The following RASGRP1 variants were observed in gnomAD, a reference collection of about 807,000 sequenced individuals.
RASGRP1 encodes RAS guanyl releasing protein 1, also known as RAS guanyl-releasing protein 1.
Under a neutral mutation model 95.1 loss-of-function variants are expected in RASGRP1, and 37 were observed. The ratio of observed to expected loss-of-function variants is 0.39; its 90% CI spans 0.30 to 0.51. The LOEUF (loss-of-function observed/expected upper bound fraction) is 0.51. Ranked by LOEUF, RASGRP1 falls within the 20% of genes least tolerant of loss-of-function variation. The probability of loss-of-function intolerance (pLI) is 0.80; values close to 1 mark genes in which losing one functional copy is unlikely to be tolerated. For synonymous variants in RASGRP1, 325 were observed against 353.4 expected (o/e 0.92, Z 0.90); for missense variants, 711 against 965.4 (o/e 0.74, Z 3.49).
chr15:38,499,548 G>T lies in RASGRP1; in HGVS notation c.1720+555C>A, dbSNP rs192377786. ...AGAAAATGCCTATCTGTGCAACCAG[G>T]CATTTCTCTCTTCGGTGTGGCGGTC... On this transcript the variant is annotated intron_variant, in intron 14 of 16. Coordinates refer to ENST00000310803, the MANE Select transcript of RASGRP1 (RefSeq NM_005739.4). Among the ~76,000 whole-genome samples, 8 of 152,322 alleles carry T rather than the reference G, an allele frequency of 5.3e-5. No homozygotes were observed. In the East Asian group the frequency reaches 1.5e-3, roughly 29 times the overall value.
intron 15 of RASGRP1, among the ~76,000 whole-genome samples, chr15:38,498,091 ACT>A (rs1454044284): frequency 1.3e-5 from 2 of 151,982 alleles, no homozygotes; most frequent in Non-Finnish European, 2.9e-5. Flanking sequence ...AGCTAGTAGA[ACT>A]CTGTCTGTGG....
Position 38,496,858 on chromosome 15 carries a change from T to G in RASGRP1, c.1873+1936A>C, listed in dbSNP as rs549484211. Among the ~76,000 whole-genome samples the G allele has an allele frequency of 2.0e-5, 3 of 152,362 alleles. No individual in the cohort carries two copies. The South Asian group carries it at 6.2e-4, about 32-fold the overall frequency. On this transcript the variant is annotated intron_variant, in intron 15 of 16. Transcript: ENST00000310803. ...TTGATCTAATTGATCAATAAATGCA[T>G]GTGGATATTTACCACTGAACATTAG...
At position 38,511,632 on chromosome 15, in the gene RASGRP1, C is replaced by G; in HGVS notation, c.938G>C (p.Ser313Thr). Reference sequence around the variant, plus strand: ...ATTGATTTCATGTGGGACATGCGAACTTGTCTCCTTGAGCCTCGAGATTGA... The same window carrying G: ...ATTGATTTCATGTGGGACATGCGAAGTTGTCTCCTTGAGCCTCGAGATTGA... Reference protein sequence around the residue: ...HSSISRLKETSSHVPHEINKV... With the variant: ...HSSISRLKETTSHVPHEINKV... Residue 313 changes from serine (S) to threonine (T), a missense_variant, in exon 8 of 17, where the codon AGT (serine) becomes ACT (threonine). This residue lies in a region of RASGRP1 where 491 missense variants were observed against 676.6 expected (regional missense o/e 0.73). Coordinates refer to ENST00000310803, the MANE Select transcript of RASGRP1 (RefSeq NM_005739.4). 1 of 1,613,564 alleles carries G rather than the reference C, an allele frequency of 6.2e-7. No homozygotes were observed. Among genetic ancestry groups the G allele is most frequent in the Non-Finnish European group, 8.5e-7 (1 of 1,179,604 alleles).
chr15:38,490,635 A>G lies in RASGRP1; in HGVS notation c.2313T>C (p.Tyr771=), dbSNP rs1395990815. Residue 771 remains tyrosine, a synonymous_variant, in exon 17 of 17, where the codon TAT becomes TAC. Transcript: ENST00000310803. The part of the protein sequence containing the change: ...DNDALKIQLK[Y]AQKKIESLQL... ...GGAGGGATTCTATTTTCTTCTGTGC[A>G]TATTTCAGTTGGATCTTTAGGGCAT... The G allele has an allele frequency of 7.4e-6, 12 of 1,613,012 alleles. No homozygotes were observed. Among genetic ancestry groups the G allele is most frequent in the Admixed American group, 5.0e-5 (3 of 59,986 alleles).
chr15:38,503,042 T>A (rs28507498), intron 11 of RASGRP1: 1 of 561,678 alleles, frequency 1.8e-6, no homozygotes, highest in African/African-American at 1.9e-5. Context: ...TTTAAGCATA[T>A]GCTCTTTTGC....
chr15:38,531,669 G>A (rs1035720642), intron 2 of RASGRP1, among the ~76,000 whole-genome samples: 9 of 152,154 alleles, frequency 5.9e-5, no homozygotes, highest in Admixed American at 2.0e-4. Flanking sequence ...GTGAGTGCTG[G>A]CAAATGGTAA....
intron 16 of RASGRP1, among the ~76,000 whole-genome samples, chr15:38,492,382 T>G (rs1228477630): frequency 1.3e-5 from 2 of 152,194 alleles, no homozygotes; most frequent in East Asian, 3.9e-4. Flanking sequence ...CTAATTCAGT[T>G]TCTGGGGGTC....
At chr15:38,542,904 T>C (rs7178883) in intron 2 of RASGRP1, among the ~76,000 whole-genome samples, 20,089 of 141,094 alleles carry the variant, frequency 0.14, 1,712 homozygotes, top group Admixed American at 0.2. Flanking sequence ...TGTATATATA[T>C]ACACATATAT....
At chr15:38,519,043 TAAG>T (rs1891896530) in intron 4 of RASGRP1, among the ~76,000 whole-genome samples, 1 of 152,174 alleles carries the variant, frequency 6.6e-6, no homozygotes, top group Non-Finnish European at 1.5e-5. Flanking sequence ...CTTGTATAAT[TAAG>T]AACAAAAATA....
intron 11 of RASGRP1, 85 bp from the exon 12 acceptor site, chr15:38,502,506 T>C (rs1891073989): frequency 2.4e-6 from 2 of 826,878 alleles, no homozygotes; most frequent in African/African-American, 1.7e-5. Context: ...GCTGGGGCAG[T>C]TGGATAAAAG....
intron 2 of RASGRP1, among the ~76,000 whole-genome samples, chr15:38,554,904 C>G (rs1000948326): frequency 1.3e-5 from 2 of 152,222 alleles, no homozygotes; most frequent in Non-Finnish European, 2.9e-5. Context: ...TCAACAGTGG[C>G]TAAGGCTTCG....
At chr15:38,516,065 G>A (rs148814899) in intron 6 of RASGRP1, 132 bp downstream of exon 6, 2 of 1,041,742 alleles carry the variant, frequency 1.9e-6, no homozygotes, top group Non-Finnish European at 1.4e-6. Flanking sequence ...CAGACTCTAT[G>A]ATGTCTGGCA....
chr15:38,532,481 TC>T lies in RASGRP1; in HGVS notation c.221-6078del, dbSNP rs1451104298. ...AGCGGATTCTGGAGAGTCATCTGTC[TC>T]TGGGCCAACAGCCTATTTTCCACCG... On this transcript the variant is annotated intron_variant, in intron 2 of 16. Transcript: ENST00000310803. 5.9e-5 allele frequency among the ~76,000 whole-genome samples: 9 copies of T among 152,324 alleles called. No homozygotes were observed. The South Asian group carries it at 1.7e-3, about 28-fold the overall frequency.
chr15:38,508,350 C>A (rs529502428), intron 8 of RASGRP1, among the ~76,000 whole-genome samples: 3 of 152,274 alleles, frequency 2.0e-5, no homozygotes, highest in Non-Finnish European at 2.9e-5. Flanking sequence ...TGAACACTAT[C>A]CCTCTAACTC....
chr15:38,514,411 C>T (rs1595845431), intron 6 of RASGRP1, among the ~76,000 whole-genome samples: 1 of 151,948 alleles, frequency 6.6e-6, no homozygotes, highest in African/African-American at 2.4e-5. Flanking sequence ...ATTTAATACC[C>T]CCCTCCCACT....
Position 38,519,294 on chromosome 15 carries a change from A to C in RASGRP1, c.389+15T>G, listed in dbSNP as rs372162632. The C allele has an allele frequency of 1.7e-5, 26 of 1,516,354 alleles. No individual in the cohort carries two copies. The highest frequency in any genetic ancestry group is 2.2e-5 in the Non-Finnish European group (24 of 1,094,892). 93.9% of individuals were successfully genotyped at this position (1,516,354 alleles called of 1,614,324 possible). ...CTTGCTCCACAAAGTCTTGAAATAC[A>C]TAAAGAAACATTACCTTACAAAATA... On this transcript the variant is annotated intron_variant, in intron 4 of 16. Coordinates refer to ENST00000310803, the MANE Select transcript of RASGRP1 (RefSeq NM_005739.4).
At chr15:38,537,477 C>G (rs1453283823) in intron 2 of RASGRP1, among the ~76,000 whole-genome samples, 1 of 152,082 alleles carries the variant, frequency 6.6e-6, no homozygotes, top group African/African-American at 2.4e-5. Flanking sequence ...TGATGAGCTG[C>G]CATGCACGCA....
At chr15:38,499,341 G>C (rs1338194997) in intron 14 of RASGRP1, among the ~76,000 whole-genome samples, 1 of 152,202 alleles carries the variant, frequency 6.6e-6, no homozygotes, top group African/African-American at 2.4e-5. Flanking sequence ...AGGAAGGACA[G>C]TTATGTCCTG....
In RASGRP1 at chr15:38,516,321, G is replaced by C; in HGVS notation, c.551C>G (p.Thr184Ser). 6.2e-7 allele frequency: 1 copy of C among 1,610,876 alleles called. No individual in the cohort carries two copies. The highest frequency in any genetic ancestry group is 8.5e-7 in the Non-Finnish European group (1 of 1,177,134). ...GCTGGTATTTGATTTTATCCTTTGAGTAAGTTTCCTGGACCAGTCACGGGC... is the reference window on the plus strand; with the variant it reads ...GCTGGTATTTGATTTTATCCTTTGACTAAGTTTCCTGGACCAGTCACGGGC... ...INARDWSRKL[T>S]QRIKSNTSKK... is the part of the protein sequence containing the mutation. Residue 184 changes from threonine (T) to serine (S), a missense_variant, in exon 6 of 17, where the codon ACT becomes AGT. This residue lies in a region of RASGRP1 where 491 missense variants were observed against 676.6 expected (regional missense o/e 0.73). Transcript: ENST00000310803.
Sources: allele counts gnomAD v4.1 joint callset (sites outside exome capture counted in the v4.1 genomes callset), GRCh38; gene constraint gnomAD v4.1.1; regional missense constraint gnomAD v4.1.1; transcripts MANE v1.5; gene names NCBI Gene and HGNC (gene_info 2026-07-23, HGNC 2026-07-21).